USP3: variants seen among roughly 807,000 people sequenced by gnomAD.
The protein encoded by USP3 is ubiquitin carboxyl-terminal hydrolase 3.
Under a neutral mutation model 72.3 loss-of-function variants are expected in USP3, and 20 were observed. The ratio of observed to expected loss-of-function variants is 0.28; its 90% confidence interval spans 0.19 to 0.40. The LOEUF is 0.40. Ranked by LOEUF, USP3 falls within the 10% of genes least tolerant of loss-of-function variation. The probability of loss-of-function intolerance (pLI) is 1.00; values close to 1 mark genes in which losing one functional copy is unlikely to be tolerated. For synonymous variants in USP3, 222 were observed against 225.3 expected, an observed-to-expected ratio of 0.99 and a Z score of 0.13; for missense variants, 479 against 633.9, an observed-to-expected ratio of 0.76 and a Z score of 2.62.
intron 1 of USP3, among the ~76,000 whole-genome samples, chr15:63,506,345 A>AT (rs1447202896): frequency 7.0e-6 from 1 of 142,488 alleles, no homozygotes; most frequent in African/African-American, 2.8e-5. Flanking sequence ...TTGTAACTTA[A>AT]TTTTTTTCCC....
Position 63,588,341 on chromosome 15 carries a change from A to C in USP3, c.1133A>C (p.Asp378Ala). 3 of 1,599,288 alleles carry C rather than the reference A, an allele frequency of 1.9e-6. No homozygotes were observed. The highest frequency in any genetic ancestry group is 2.6e-6 in the Non-Finnish European group (3 of 1,176,450). The change falls in exon 12 of 15, where the codon GAT (aspartate) becomes GCT (alanine). Residue 378 changes from aspartate (D) to alanine (A), a missense_variant. Transcript: ENST00000380324. The surrounding 1 kb of genome is among the most constrained non-coding windows in gnomAD (Gnocchi z 4.6). ...LRSFTDLEEL[D>A]ETELYMCHKC... is the part of the protein sequence containing the mutation. ...AGTTTTACCGACTTAGAAGAACTTG[A>C]TGAGACAGAGTTATATATGTGCCAT...
intron 1 of USP3, among the ~76,000 whole-genome samples, chr15:63,521,143 C>CTTT (rs57191228): frequency 7.3e-6 from 1 of 137,456 alleles, no homozygotes; most frequent in Non-Finnish European, 1.5e-5. Context: ...TTCTTTTGGA[C>CTTT]TTTTTTTTTT....
intron 11 of USP3, among the ~76,000 whole-genome samples, chr15:63,582,795 G>A (rs997096620): frequency 6.6e-6 from 1 of 152,178 alleles, no homozygotes; most frequent in African/African-American, 2.4e-5. Context: ...GGAAGGCTGC[G>A]AGAGGTGCTT....
chr15:63,559,204 G>A (rs1027280257), intron 6 of USP3, among the ~76,000 whole-genome samples: 1 of 152,182 alleles, frequency 6.6e-6, no homozygotes, highest in African/African-American at 2.4e-5. Flanking sequence ...AAGATGAGAT[G>A]TCTTCAAAAT....
rs1432016938 is a variant in USP3, at chr15:63,591,761, C to A, written c.*935C>A. ...CCTCTGGGATTTACTTGGATCATCA[C>A]CCGCACTTCAGTTTATCACTGGGGG... On this transcript the variant is annotated 3_prime_UTR_variant, in exon 15 of 15. Coordinates refer to ENST00000380324, the MANE Select transcript of USP3 (RefSeq NM_006537.4). 1 of 152,222 alleles carries A rather than the reference C, an allele frequency of 6.6e-6. No homozygotes were observed. Among genetic ancestry groups the A allele is most frequent in the Non-Finnish European group, 1.5e-5 (1 of 68,060 alleles). 9.4% of individuals were successfully genotyped at this position (152,222 alleles called of 1,614,324 possible).
chr15:63,511,816 C>T (rs1192008254), intron 1 of USP3, among the ~76,000 whole-genome samples: 1 of 152,018 alleles, frequency 6.6e-6, no homozygotes, highest in East Asian at 1.9e-4. Flanking sequence ...TCTGGTAGCT[C>T]AGAGATTATT....
chr15:63,510,947 T>A (rs2065772697), intron 1 of USP3, among the ~76,000 whole-genome samples: 2 of 152,100 alleles, frequency 1.3e-5, no homozygotes, highest in South Asian at 4.1e-4. Context: ...GAACTTTGGC[T>A]TAGAAATTTG....
rs529559970 is a variant in USP3 at position 63,588,522 on chromosome 15, T to C, written c.1215+99T>C. ...TTTACACTATGTGAACTGTTCTGTATTTTTCTCTAGGATTTTCAGTAAAAG... is the reference window on the plus strand; with the variant it reads ...TTTACACTATGTGAACTGTTCTGTACTTTTCTCTAGGATTTTCAGTAAAAG... On this transcript the variant is annotated intron_variant, in intron 12 of 14. Coordinates refer to ENST00000380324, the MANE Select transcript of USP3 (RefSeq NM_006537.4). The surrounding 1 kb of genome is among the most constrained non-coding windows in gnomAD (Gnocchi z 4.6). 1 of 1,051,756 alleles carries C rather than the reference T, an allele frequency of 9.5e-7. No homozygotes were observed. The highest frequency in any genetic ancestry group is 2.4e-5 in the East Asian group (1 of 42,354). The allele number at this position is 1,051,756 out of a possible 1,614,324, so 65.2% of individuals were successfully genotyped here.
At chr15:63,516,258 A>G (rs1292571903) in intron 1 of USP3, among the ~76,000 whole-genome samples, 1 of 152,228 alleles carries the variant, frequency 6.6e-6, no homozygotes, top group East Asian at 1.9e-4. Flanking sequence ...ATCTCCAAGC[A>G]CTAACTCTTT....
At chr15:63,526,772 T>G (rs542422383) in intron 1 of USP3, among the ~76,000 whole-genome samples, 3 of 152,368 alleles carry the variant, frequency 2.0e-5, no homozygotes, top group African/African-American at 7.2e-5. Context: ...TATACTACAT[T>G]AGCAGTTAAT....
rs574067107 is a variant in USP3, at chr15:63,558,688, A to G, written c.533+500A>G. 2.5e-3 allele frequency among the ~76,000 whole-genome samples: 383 copies of G among 152,164 alleles called. 1 individual carries two copies. Among genetic ancestry groups the G allele is most frequent in the Middle Eastern group, 0.014 (4 of 294 alleles). Reference sequence around the variant, plus strand: ...TCAGGAGTTTGAGACCAGCCTGGCCAACATAGTGAAACCCCATCTCTACTA... The same window carrying G: ...TCAGGAGTTTGAGACCAGCCTGGCCGACATAGTGAAACCCCATCTCTACTA... On this transcript the variant is annotated intron_variant, in intron 6 of 14. Transcript: ENST00000380324.
Position 63,570,529 on chromosome 15 carries a change from A to T in USP3, c.858A>T (p.Ser286=). 6.2e-7 allele frequency: 1 copy of T among 1,614,208 alleles called. No individual in the cohort carries two copies. The highest frequency in any genetic ancestry group is 1.6e-4 in the Middle Eastern group (1 of 6,062). Residue 286 remains serine, a synonymous_variant, in exon 9 of 15, where the codon TCA becomes TCT. Transcript: ENST00000380324. The surrounding 1 kb of genome is among the most constrained non-coding windows in gnomAD (Gnocchi z 4.4). The part of the protein sequence containing the change: ...LQGGFNGVSR[S]AILQENSTLS... ...GCGGTTTCAACGGTGTTTCCCGCTC[A>T]GCAATTCTGCAGGAGAATTCTACTC...
rs752581064 is a variant in USP3 at position 63,504,808 on chromosome 15, C to T, written c.69C>T (p.Ser23=). Reference sequence around the variant, plus strand: ...ACTCAGCCAAGTTCCCCAACGGCTCCCCGTCGTCCTGGTGCTGCAGCGGTG... The same window carrying T: ...ACTCAGCCAAGTTCCCCAACGGCTCTCCGTCGTCCTGGTGCTGCAGCGGTG... The part of the protein sequence containing the change: ...APDSAKFPNG[S]PSSWCCSVCR... Residue 23 remains serine, a synonymous_variant, in exon 1 of 15, where the codon TCC becomes TCT. Transcript: ENST00000380324. 2.6e-5 allele frequency: 42 copies of T among 1,610,242 alleles called. No individual in the cohort carries two copies. The highest frequency in any genetic ancestry group is 6.7e-5 in the East Asian group (3 of 44,676).
chr15:63,547,666 G>A (rs2066349955), intron 3 of USP3, among the ~76,000 whole-genome samples: 1 of 151,154 alleles, frequency 6.6e-6, no homozygotes, highest in African/African-American at 2.4e-5. Flanking sequence ...GGAGGTCAAG[G>A]CTGCAGTGAG....
At chr15:63,560,486 T>G (rs78310617) in intron 7 of USP3, among the ~76,000 whole-genome samples, 4,678 of 152,110 alleles carry the variant, frequency 0.031, 222 homozygotes, top group African/African-American at 0.11. Flanking sequence ...AGCATTCTAC[T>G]TATTGACTCT....
chr15:63,563,940 A>T (rs978842115), intron 8 of USP3, among the ~76,000 whole-genome samples: 1 of 152,210 alleles, frequency 6.6e-6, no homozygotes, highest in Admixed American at 6.5e-5. Context: ...ACTAGTGTTA[A>T]CCCTAGTCTT....
intron 1 of USP3, among the ~76,000 whole-genome samples, chr15:63,530,926 C>T (rs1021565128): frequency 2.6e-5 from 4 of 152,148 alleles, no homozygotes; most frequent in South Asian, 2.1e-4. Context: ...GGTATTCTTC[C>T]GCACCTTTCT....
rs180845193 is a variant in USP3, at chr15:63,574,430, T to A, written c.1096+27T>A. The A allele has an allele frequency of 3.1e-5, 48 of 1,562,576 alleles. No homozygotes were observed. The highest frequency in any genetic ancestry group is 1.6e-4 in the East Asian group (7 of 43,664). ...TAAAGATACTTGAATGTTCTAAAAA[T>A]TTTTTTCTTTAAATAATTGAATAGA... On this transcript the variant is annotated intron_variant, in intron 11 of 14. Transcript: ENST00000380324. The surrounding 1 kb of genome is among the most constrained non-coding windows in gnomAD (Gnocchi z 4.6).
chr15:63,523,436 A>G (rs1595711599), intron 1 of USP3, among the ~76,000 whole-genome samples: 1 of 152,250 alleles, frequency 6.6e-6, no homozygotes, highest in Non-Finnish European at 1.5e-5. Flanking sequence ...TACAAGTCAC[A>G]TGACCTGTAT....
Sources: gnomAD v4.1 joint callset for allele counts (sites outside exome capture counted in the v4.1 genomes callset) on GRCh38, gnomAD v4.1.1 for gene constraint, Gnocchi (gnomAD v3.1) non-coding constraint, MANE v1.5 for transcripts, NCBI Gene and HGNC (gene_info 2026-07-23, HGNC 2026-07-21) for gene names.